Variants in ARID2 observed in about 807,000 individuals in gnomAD.
ARID2 encodes the protein AT-rich interactive domain-containing protein 2.
ARID2 carries 32 observed loss-of-function variants against 184.6 expected under a neutral mutation model. The observed-to-expected ratio is 0.17, with a 90% CI of 0.13 to 0.23. ARID2 has a LOEUF of 0.23. ARID2 is among the 10% of genes least tolerant of loss of function. The probability of loss-of-function intolerance (pLI) is 1.00; values close to 1 mark genes in which losing one functional copy is unlikely to be tolerated. For synonymous variants in ARID2, 836 were observed against 772.6 expected, an observed-to-expected ratio of 1.08 and a Z score of -1.36; for missense variants, 1,696 against 2,197.6, an observed-to-expected ratio of 0.77 and a Z score of 4.56.
At chr12:45,782,461 G>A (rs1048503792) in intron 3 of ARID2, among the ~76,000 whole-genome samples, 1 of 151,946 alleles carries the variant, frequency 6.6e-6, no homozygotes, top group Admixed American at 6.6e-5. Context: ...GTGAAAACCC[G>A]TCTCTACTGA....
chr12:45,842,084 C>G (rs559650558), intron 11 of ARID2: 2 of 149,878 alleles, frequency 1.3e-5, no homozygotes, highest in Admixed American at 1.3e-4. Context: ...TAGTGAGATT[C>G]CATCTCTACA....
At chr12:45,746,672 A>G (rs961062327) in intron 3 of ARID2, among the ~76,000 whole-genome samples, 4 of 152,204 alleles carry the variant, frequency 2.6e-5, no homozygotes, top group South Asian at 2.1e-4. Flanking sequence ...ACACCTCCCT[A>G]TGACATAGAT....
chr12:45,821,781 GT>G (rs1942901890), intron 6 of ARID2, among the ~76,000 whole-genome samples: 1 of 152,152 alleles, frequency 6.6e-6, no homozygotes, highest in Non-Finnish European at 1.5e-5. Context: ...GTTTCAGGAA[GT>G]TTTCGTTTTT....
chr12:45,849,214 T>C (rs1174014988), intron 13 of ARID2, among the ~76,000 whole-genome samples: 2 of 152,186 alleles, frequency 1.3e-5, no homozygotes, highest in African/African-American at 4.8e-5. Flanking sequence ...TTTTCCTACC[T>C]ACTTTTACAT....
chr12:45,832,548 C>T (rs1011160296), intron 6 of ARID2, among the ~76,000 whole-genome samples: 1 of 152,040 alleles, frequency 6.6e-6, no homozygotes, highest in African/African-American at 2.4e-5. Context: ...ACAATTATAG[C>T]TCACTGCAAC....
At chr12:45,899,462 T>C (rs200228322) in intron 20 of ARID2, among the ~76,000 whole-genome samples, 31 of 148,232 alleles carry the variant, frequency 2.1e-4, no homozygotes, top group East Asian at 1.4e-3. Context: ...AAAAATTAGC[T>C]GGGCGTGGTG....
Position 45,836,667 on chromosome 12 carries a change from A to G in ARID2, c.772+12A>G, listed in dbSNP as rs1943225806. ...AAACAAGTCTCATGGTAAGTTAGTG[A>G]AAGCAAAATTTTTCAAAACCTTTGA... is the stretch of plus-strand genomic sequence containing the variant. On this transcript the variant is annotated intron_variant, in intron 7 of 20. Coordinates refer to ENST00000334344, the MANE Select transcript of ARID2 (RefSeq NM_152641.4). 1.2e-6 allele frequency: 2 copies of G among 1,603,982 alleles called. No individual in the cohort carries two copies. The highest frequency in any genetic ancestry group is 1.7e-6 in the Non-Finnish European group (2 of 1,176,724).
intron 3 of ARID2, among the ~76,000 whole-genome samples, chr12:45,795,574 A>G (rs2138060270): frequency 1.3e-5 from 2 of 151,932 alleles, no homozygotes; most frequent in East Asian, 3.9e-4. Flanking sequence ...CTGGGACTAC[A>G]GGCGCCCGCC....
intron 15 of ARID2, 70 bp from the exon 16 acceptor site, chr12:45,860,731 A>G (rs1943728794): frequency 1.6e-6 from 2 of 1,259,602 alleles, no homozygotes; most frequent in Non-Finnish European, 1.0e-6. Flanking sequence ...TCAAATTTAT[A>G]AGACTATACT....
chr12:45,853,920 C>A (rs372934347), intron 15 of ARID2, among the ~76,000 whole-genome samples: 2 of 152,336 alleles, frequency 1.3e-5, no homozygotes, highest in East Asian at 3.9e-4. Flanking sequence ...AGGTACCAGT[C>A]CGTGGCCCTT....
intron 20 of ARID2, among the ~76,000 whole-genome samples, chr12:45,897,668 G>A (rs1278823188): frequency 2.0e-5 from 3 of 152,026 alleles, no homozygotes; most frequent in African/African-American, 7.3e-5. Flanking sequence ...AATATTGATG[G>A]CTATTACTCA....
At chr12:45,811,373 A>G in intron 3 of ARID2, 45 bp from the exon 4 acceptor site, 1 of 1,565,744 alleles carries the variant, frequency 6.4e-7, no homozygotes, top group Non-Finnish European at 8.7e-7. Flanking sequence ...AAAATAAGAT[A>G]TAAATCTATT....
At chr12:45,853,742 C>G (rs1943597476) in intron 15 of ARID2, among the ~76,000 whole-genome samples, 1 of 152,228 alleles carries the variant, frequency 6.6e-6, no homozygotes, top group Non-Finnish European at 1.5e-5. Context: ...CTACTGCCAA[C>G]TCTGCTGACA....
At chr12:45,768,631 T>A (rs1349295411) in intron 3 of ARID2, among the ~76,000 whole-genome samples, 1 of 151,976 alleles carries the variant, frequency 6.6e-6, no homozygotes, top group African/African-American at 2.4e-5. Flanking sequence ...GAGAGACAGT[T>A]AGGAGGAGAT....
At chr12:45,863,669 ATTGTAAACTGCT>A (rs555700535) in intron 16 of ARID2, among the ~76,000 whole-genome samples, 1,946 of 151,988 alleles carry the variant, frequency 0.013, 14 homozygotes, top group Non-Finnish European at 0.019. Context: ...CCTATATATT[ATTGTAAACTGCT>A]TTGTATTTAA....
At chr12:45,853,602 T>C (rs1222122547) in intron 15 of ARID2, among the ~76,000 whole-genome samples, 1 of 152,248 alleles carries the variant, frequency 6.6e-6, no homozygotes, top group East Asian at 1.9e-4. Context: ...ATGAGGATTT[T>C]AAGGACAATC....
chr12:45,863,447 A>C (rs1230469504), intron 16 of ARID2, among the ~76,000 whole-genome samples: 1 of 152,196 alleles, frequency 6.6e-6, no homozygotes, highest in Non-Finnish European at 1.5e-5. Flanking sequence ...TATGCTGGGC[A>C]TGGTGGCTTG....
intron 15 of ARID2, among the ~76,000 whole-genome samples, chr12:45,858,727 C>T (rs1377095286): frequency 1.3e-5 from 2 of 152,130 alleles, no homozygotes; most frequent in East Asian, 1.9e-4. Context: ...GAGGTTAAGT[C>T]GGTAGCCCAA....
At chr12:45,836,077 A>G (rs376571101) in intron 6 of ARID2, among the ~76,000 whole-genome samples, 8 of 152,202 alleles carry the variant, frequency 5.3e-5, no homozygotes, top group Non-Finnish European at 7.3e-5. Context: ...GCCTTTTTAT[A>G]TAAGTATCTG....
Sources: allele counts gnomAD v4.1 joint callset (sites outside exome capture counted in the v4.1 genomes callset), GRCh38; gene constraint gnomAD v4.1.1; transcripts MANE v1.5; gene names NCBI Gene and HGNC (gene_info 2026-07-23, HGNC 2026-07-21).